Variants in GRM8 observed in about 807,000 individuals in gnomAD.
GRM8 encodes the protein metabotropic glutamate receptor 8.
GRM8 carries 47 observed loss-of-function variants against 87.2 expected under a neutral mutation model. The observed-to-expected ratio is 0.54, with a 90% CI of 0.43 to 0.69. The LOEUF (loss-of-function observed/expected upper bound fraction) is 0.69. GRM8 is among the 30% of genes least tolerant of loss of function. The pLI, the probability that GRM8 is intolerant of heterozygous loss-of-function variation, is 0.00. For synonymous variants in GRM8, 396 were observed against 404.5 expected, an observed-to-expected ratio of 0.98 and a Z score of 0.25; for missense variants, 1,019 against 1,139.2, an observed-to-expected ratio of 0.89 and a Z score of 1.52.
chr7:126,535,824 G>A (rs1239019791), intron 8 of GRM8, among the ~76,000 whole-genome samples: 1 of 152,024 alleles, frequency 6.6e-6, no homozygotes, highest in African/African-American at 2.4e-5. Context: ...AAAGAATGGA[G>A]GCCTCCTGTC....
intron 2 of GRM8, among the ~76,000 whole-genome samples, chr7:127,199,867 A>G (rs1299251612): frequency 6.6e-6 from 1 of 152,162 alleles, no homozygotes; most frequent in Non-Finnish European, 1.5e-5. Context: ...CAGACAAAAT[A>G]CTATTCAGTT....
chr7:126,572,796 AG>A (rs1274161645), intron 8 of GRM8, among the ~76,000 whole-genome samples: 1 of 152,186 alleles, frequency 6.6e-6, no homozygotes, highest in African/African-American at 2.4e-5. Flanking sequence ...GAAAGAGGGT[AG>A]TTTCATGGTA....
intron 7 of GRM8, among the ~76,000 whole-genome samples, chr7:126,760,650 A>C (rs1413356726): frequency 2.6e-5 from 4 of 152,148 alleles, no homozygotes; most frequent in African/African-American, 7.2e-5. Flanking sequence ...AGTAATATTG[A>C]TTATATAGCA....
chr7:126,846,071 A>T (rs986910527), intron 6 of GRM8, among the ~76,000 whole-genome samples: 1 of 152,064 alleles, frequency 6.6e-6, no homozygotes, highest in Non-Finnish European at 1.5e-5. Flanking sequence ...TTTCATAAAA[A>T]TTCCAAATAT....
intron 3 of GRM8, among the ~76,000 whole-genome samples, chr7:126,979,374 A>C (rs1052941152): frequency 5.3e-5 from 8 of 152,234 alleles, no homozygotes; most frequent in Non-Finnish European, 1.0e-4. Flanking sequence ...ACACATGATA[A>C]ATATAAATGT....
chr7:127,097,834 C>G (rs7794734), intron 3 of GRM8, among the ~76,000 whole-genome samples: 2 of 152,112 alleles, frequency 1.3e-5, no homozygotes, highest in East Asian at 3.8e-4. Flanking sequence ...CTGCATCAAA[C>G]TGCCATTGTT....
At chr7:126,841,130 T>C (rs931116594) in intron 6 of GRM8, among the ~76,000 whole-genome samples, 4 of 152,238 alleles carry the variant, frequency 2.6e-5, no homozygotes, top group African/African-American at 9.6e-5. Flanking sequence ...CATGTCTTGC[T>C]ATATAACAAA....
intron 8 of GRM8, among the ~76,000 whole-genome samples, chr7:126,603,350 G>A (rs1291684007): frequency 3.4e-5 from 5 of 146,080 alleles, no homozygotes; most frequent in East Asian, 2.0e-4. Context: ...CTCTCTCACC[G>A]CTCCTATTCA....
At chr7:126,784,804 A>G (rs1820462168) in intron 6 of GRM8, among the ~76,000 whole-genome samples, 1 of 152,188 alleles carries the variant, frequency 6.6e-6, no homozygotes, top group African/African-American at 2.4e-5. Flanking sequence ...TTAGTAAGTG[A>G]TAAGCCAAGA....
Position 126,770,072 on chromosome 7 carries a change from A to G in GRM8, c.1157-7T>C, listed in dbSNP as rs1818671224. The G allele has an allele frequency of 5.0e-6, 8 of 1,599,694 alleles. No individual in the cohort carries two copies. Among genetic ancestry groups the G allele is most frequent in the Non-Finnish European group, 6.8e-6 (8 of 1,169,604 alleles). ...CGAGCAATTCGCTCCAGCCCTGCAA[A>G]ATAAAAAAGTAAAAACCATCAGTTG... On this transcript the variant is annotated splice_region_variant and splice_polypyrimidine_tract_variant and intron_variant, in intron 6 of 10. Transcript: ENST00000339582.
intron 2 of GRM8, among the ~76,000 whole-genome samples, chr7:127,170,862 G>A (rs1793757474): frequency 6.6e-6 from 1 of 152,144 alleles, no homozygotes; most frequent in Non-Finnish European, 1.5e-5. Context: ...AGAAGGGTGA[G>A]GGATAAAAAC....
intron 1 of GRM8, among the ~76,000 whole-genome samples, chr7:127,251,600 G>A (rs1399959918): frequency 1.3e-5 from 2 of 151,950 alleles, no homozygotes; most frequent in Non-Finnish European, 2.9e-5. Context: ...GGGGCCGTGG[G>A]GAGAGCGCCA....
intron 7 of GRM8, among the ~76,000 whole-genome samples, chr7:126,661,335 CTCTT>C (rs1805141738): frequency 6.6e-6 from 1 of 152,130 alleles, no homozygotes; most frequent in Non-Finnish European, 1.5e-5. Flanking sequence ...TTAAAAAAAT[CTCTT>C]TATTTTCTTG....
chr7:127,081,202 C>T (rs918551427), intron 3 of GRM8, among the ~76,000 whole-genome samples: 6 of 152,130 alleles, frequency 3.9e-5, no homozygotes, highest in Non-Finnish European at 7.4e-5. Flanking sequence ...TACCCCATTT[C>T]CCCCACCTGC....
At chr7:126,803,146 T>C (rs1586000422) in intron 6 of GRM8, among the ~76,000 whole-genome samples, 1 of 152,234 alleles carries the variant, frequency 6.6e-6, no homozygotes, top group Admixed American at 6.5e-5. Flanking sequence ...CAAATTATTC[T>C]GGCTTTTCAT....
At chr7:127,100,958 T>C (rs1825186821) in intron 3 of GRM8, among the ~76,000 whole-genome samples, 1 of 152,212 alleles carries the variant, frequency 6.6e-6, no homozygotes, top group African/African-American at 2.4e-5. Context: ...TTGATCTATA[T>C]CTCAGTTCCT....
intron 3 of GRM8, among the ~76,000 whole-genome samples, chr7:127,061,894 A>G (rs1820630220): frequency 6.6e-6 from 1 of 152,178 alleles, no homozygotes; most frequent in African/African-American, 2.4e-5. Context: ...TGATTAATTA[A>G]AGAATCCTAA....
intron 6 of GRM8, among the ~76,000 whole-genome samples, chr7:126,774,248 T>C (rs1819170763): frequency 1.3e-5 from 2 of 152,194 alleles, no homozygotes; most frequent in African/African-American, 4.8e-5. Flanking sequence ...ACTTAAGATT[T>C]TACAGCAGCT....
chr7:126,645,866 A>G (rs1269503236), intron 7 of GRM8, among the ~76,000 whole-genome samples: 1 of 152,078 alleles, frequency 6.6e-6, no homozygotes, highest in African/African-American at 2.4e-5. Context: ...CTCCTACTAA[A>G]TCTCAGTTTC....
Sources: allele counts gnomAD v4.1 joint callset (sites outside exome capture counted in the v4.1 genomes callset), GRCh38; gene constraint gnomAD v4.1.1; transcripts MANE v1.5; gene names NCBI Gene and HGNC (gene_info 2026-07-23, HGNC 2026-07-21).